Variants in METAP1D observed in about 807,000 individuals in gnomAD.
METAP1D encodes methionyl aminopeptidase type 1D, mitochondrial, also known as methionine aminopeptidase 1D, mitochondrial.
In METAP1D, 31 loss-of-function variants were observed where a neutral mutation model predicts 40.5. The observed-to-expected ratio is 0.77, with a 90% CI of 0.58 to 1.03. The LOEUF (loss-of-function observed/expected upper bound fraction) is 1.03, where lower values mean the gene tolerates loss of function less well. METAP1D is among the 50% of genes least tolerant of loss of function. The probability of loss-of-function intolerance (pLI) is 0.00; values close to 1 mark genes in which losing one functional copy is unlikely to be tolerated. For synonymous variants in METAP1D, 151 were observed against 146.4 expected (o/e 1.03, Z -0.22); for missense variants, 411 against 420.7 (o/e 0.98, Z 0.20).
At chr2:172,070,518 A>G (rs1690397329) in intron 5 of METAP1D, 1 of 152,652 alleles carries the variant, frequency 6.6e-6, no homozygotes, top group Non-Finnish European at 1.5e-5. Context: ...GAAACTTTTC[A>G]CTATGTTAAA....
chr2:172,007,164 AATTTTTTTT>A (rs1688606441), intron 1 of METAP1D, among the ~76,000 whole-genome samples: 2 of 111,732 alleles, frequency 1.8e-5, no homozygotes, highest in Admixed American at 8.7e-5. Context: ...CATGTCATGT[AATTTTTTTT>A]TTTTTTTTTT....
At chr2:172,010,321 T>G (rs1688683358) in intron 1 of METAP1D, among the ~76,000 whole-genome samples, 1 of 151,520 alleles carries the variant, frequency 6.6e-6, no homozygotes, top group Admixed American at 6.6e-5. Context: ...TTTGCATTTT[T>G]TGTAGAGATG....
chr2:172,076,645 C>A lies in METAP1D; in HGVS notation c.705-1152C>A, dbSNP rs531207029. ...TAGTGACATCCAGGTCTAAGTGAAG[C>A]TGTCTTACAAGTCTGGGGATGGTTA... On this transcript the variant is annotated intron_variant, in intron 6 of 9. Coordinates refer to ENST00000315796, the MANE Select transcript of METAP1D (RefSeq NM_199227.3). Among the ~76,000 whole-genome samples, 4 of 152,330 alleles carry A rather than the reference C, an allele frequency of 2.6e-5. No individual in the cohort carries two copies. In the East Asian group the frequency reaches 7.7e-4, roughly 29 times the overall value.
At chr2:172,074,008 A>C (rs1188121808) in intron 6 of METAP1D, among the ~76,000 whole-genome samples, 1 of 152,202 alleles carries the variant, frequency 6.6e-6, no homozygotes, top group African/African-American at 2.4e-5. Flanking sequence ...AAAATGTTTT[A>C]ATGGAAAGAG....
intron 2 of METAP1D, 106 bp from the exon 3 acceptor site, chr2:172,063,605 C>T (rs1299347882): frequency 3.1e-5 from 27 of 872,684 alleles, no homozygotes; most frequent in Admixed American, 1.4e-4. Flanking sequence ...GTCGGTGCTC[C>T]GGCAGGAAGG....
chr2:172,051,568 C>T (rs1250034158), intron 1 of METAP1D, among the ~76,000 whole-genome samples: 1 of 152,090 alleles, frequency 6.6e-6, no homozygotes, highest in East Asian at 1.9e-4. Context: ...TATAGTATAG[C>T]GCCAACTTCC....
intron 5 of METAP1D, among the ~76,000 whole-genome samples, 165 bp downstream of exon 5, chr2:172,066,471 T>G (rs1690283007): frequency 6.6e-6 from 1 of 152,214 alleles, no homozygotes; most frequent in African/African-American, 2.4e-5. Context: ...CTGTGTTTAT[T>G]CCAAGTAAAC....
At chr2:172,079,906 A>G (rs1434315952) in intron 8 of METAP1D, among the ~76,000 whole-genome samples, 1 of 152,222 alleles carries the variant, frequency 6.6e-6, no homozygotes, top group African/African-American at 2.4e-5. Flanking sequence ...AGGCAACTTC[A>G]TACATTTTGA....
intron 1 of METAP1D, among the ~76,000 whole-genome samples, chr2:172,005,152 T>C (rs1688549992): frequency 6.6e-6 from 1 of 152,068 alleles, no homozygotes; most frequent in South Asian, 2.1e-4. Context: ...TCTTTCTTTC[T>C]TATTTATTTA....
At chr2:172,061,317 G>T (rs959924715) in intron 1 of METAP1D, among the ~76,000 whole-genome samples, 181 bp from the exon 2 acceptor site, 3 of 152,136 alleles carry the variant, frequency 2.0e-5, no homozygotes, top group Admixed American at 1.3e-4. Flanking sequence ...TAATAAATAC[G>T]CTGTGTTACT....
intron 1 of METAP1D, among the ~76,000 whole-genome samples, chr2:172,026,563 G>C (rs1410111775): frequency 1.3e-5 from 2 of 152,110 alleles, no homozygotes; most frequent in Non-Finnish European, 2.9e-5. Flanking sequence ...TAGACTTCTA[G>C]AGCTTTCACA....
At chr2:172,017,854 C>T (rs747492610) in intron 1 of METAP1D, among the ~76,000 whole-genome samples, 4 of 151,996 alleles carry the variant, frequency 2.6e-5, no homozygotes, top group Admixed American at 6.6e-5. Context: ...CTGGGCTGGG[C>T]GCGGTGGCTT....
chr2:172,068,970 G>T (rs996004796), intron 5 of METAP1D, among the ~76,000 whole-genome samples: 1 of 151,548 alleles, frequency 6.6e-6, no homozygotes, highest in African/African-American at 2.4e-5. Context: ...TCAGGATGCA[G>T]TGCAGTGGTG....
intron 1 of METAP1D, among the ~76,000 whole-genome samples, chr2:172,014,944 G>A (rs1003031162): frequency 1.3e-5 from 2 of 152,132 alleles, no homozygotes; most frequent in Non-Finnish European, 1.5e-5. Flanking sequence ...CAGCCACTGC[G>A]CTGGCCTAGT....
intron 5 of METAP1D, among the ~76,000 whole-genome samples, chr2:172,068,860 TCCTCCCTTCCTC>T (rs748389449): frequency 6.6e-5 from 10 of 151,910 alleles, no homozygotes; most frequent in Non-Finnish European, 1.2e-4. Flanking sequence ...CTTCCTTCGT[TCCTCCCTTCCTC>T]CCTCCCTTCC....
chr2:172,037,216 C>T (rs974696164), intron 1 of METAP1D, among the ~76,000 whole-genome samples: 4 of 151,528 alleles, frequency 2.6e-5, no homozygotes, highest in Non-Finnish European at 5.9e-5. Flanking sequence ...AAGCCAAAAT[C>T]GTGCCGTTGC....
intron 1 of METAP1D, among the ~76,000 whole-genome samples, chr2:172,008,025 C>CT (rs60404224): frequency 0.42 from 57,261 of 137,880 alleles, 12,971 homozygotes; most frequent in East Asian, 0.68. Context: ...TTTACTTTCC[C>CT]TTTTTTTTTT....
chr2:172,023,646 A>G (rs1558998222), intron 1 of METAP1D, among the ~76,000 whole-genome samples: 1 of 152,210 alleles, frequency 6.6e-6, no homozygotes. Flanking sequence ...AGACACCAAC[A>G]AAGGAACTTA....
At chr2:172,072,114 G>T (rs1379721081) in intron 6 of METAP1D, among the ~76,000 whole-genome samples, 3 of 152,104 alleles carry the variant, frequency 2.0e-5, no homozygotes, top group African/African-American at 4.8e-5. Flanking sequence ...TGGGAAAAAA[G>T]GATAGTGTCT....
Sources: gnomAD v4.1 joint callset for allele counts (sites outside exome capture counted in the v4.1 genomes callset) on GRCh38, gnomAD v4.1.1 for gene constraint, MANE v1.5 for transcripts, NCBI Gene and HGNC (gene_info 2026-07-23, HGNC 2026-07-21) for gene names.